The following UTP18 variants were observed in gnomAD, a reference collection of about 807,000 sequenced individuals.
The protein encoded by UTP18 is U3 small nucleolar RNA-associated protein 18 homolog.
In UTP18, 36 loss-of-function variants were observed where a neutral mutation model predicts 61.1. The observed-to-expected ratio is 0.59, with a 90% CI of 0.45 to 0.78. The LOEUF is 0.78. Among genes scored for constraint, UTP18 ranks in the 30% least tolerant of loss-of-function variants. The pLI is 0.00. For synonymous variants in UTP18, 282 were observed against 251.1 expected (o/e 1.12, Z -1.16); for missense variants, 753 against 693.9 (o/e 1.09, Z -0.96).
chr17:51,279,667 A>G (rs955120067), intron 7 of UTP18, among the ~76,000 whole-genome samples: 43 of 152,170 alleles, frequency 2.8e-4, no homozygotes, highest in Admixed American at 1.8e-3. Flanking sequence ...AAAGAAGTAT[A>G]ATTTATCCTT....
At chr17:51,294,218 C>CT (rs1232018959) in intron 12 of UTP18, among the ~76,000 whole-genome samples, 173 bp downstream of exon 12, 5 of 151,886 alleles carry the variant, frequency 3.3e-5, no homozygotes, top group African/African-American at 2.4e-5. Flanking sequence ...TATTATTATA[C>CT]TTTAAGTTTT....
At position 51,288,329 on chromosome 17, in the gene UTP18, A is replaced by T; in HGVS notation, c.1503+126A>T. On this transcript the variant is annotated intron_variant, in intron 11 of 13. Coordinates refer to ENST00000225298, the MANE Select transcript of UTP18 (RefSeq NM_016001.3). ...AGTGGCTTCTTTTGATATAGGAATT[A>T]TTAGTATTGTAGCTTTTGGATGTGG... The T allele has an allele frequency of 4.1e-6, 4 of 985,600 alleles. No homozygotes were observed. In the South Asian group the frequency reaches 7.3e-5, roughly 18 times the overall value. The allele number at this position is 985,600 out of a possible 1,614,324, so 61.1% of individuals were successfully genotyped here.
intron 11 of UTP18, among the ~76,000 whole-genome samples, 178 bp from the exon 12 acceptor site, chr17:51,293,725 A>T (rs1344050530): frequency 6.6e-6 from 1 of 152,182 alleles, no homozygotes; most frequent in African/African-American, 2.4e-5. Context: ...AAATAAAGTA[A>T]TAAAAAAAGA....
In UTP18 at chr17:51,280,090, T is replaced by C. The variant is rs376872213; in HGVS notation, c.1098T>C (p.His366=). Reference sequence around the variant, plus strand: ...TAAATGGCATTGCTGGATATTTGCATTTGCTAGCAATGAAGGTAAAGCATT... The same window carrying C: ...TAAATGGCATTGCTGGATATTTGCACTTGCTAGCAATGAAGGTAAAGCATT... The part of the protein sequence containing the change: ...LLINGIAGYL[H]LLAMKTKELI... The change falls in exon 8 of 14, where the codon CAT becomes CAC. Residue 366 remains histidine, a synonymous_variant. Transcript: ENST00000225298. 6.2e-7 allele frequency: 1 copy of C among 1,613,562 alleles called. No homozygotes were observed. Among genetic ancestry groups the C allele is most frequent in the Non-Finnish European group, 8.5e-7 (1 of 1,179,700 alleles).
chr17:51,261,656 G>A (rs1439125652), intron 1 of UTP18, among the ~76,000 whole-genome samples: 2 of 152,160 alleles, frequency 1.3e-5, no homozygotes, highest in African/African-American at 4.8e-5. Flanking sequence ...AGATAAACGA[G>A]TAAACTTCAG....
chr17:51,278,816 A>G (rs1415811876), intron 7 of UTP18, among the ~76,000 whole-genome samples: 1 of 152,220 alleles, frequency 6.6e-6, no homozygotes, highest in Non-Finnish European at 1.5e-5. Context: ...CTTAATAGGC[A>G]TAGTGGAGTG....
At chr17:51,264,523 A>G (rs893132913) in intron 2 of UTP18, among the ~76,000 whole-genome samples, 18 of 152,102 alleles carry the variant, frequency 1.2e-4, no homozygotes, top group African/African-American at 3.6e-4. Context: ...ACTGCATGCT[A>G]TGGGGCTCTA....
chr17:51,276,793 AT>A (rs1904735845), intron 6 of UTP18, among the ~76,000 whole-genome samples: 1 of 152,216 alleles, frequency 6.6e-6, no homozygotes, highest in Non-Finnish European at 1.5e-5. Flanking sequence ...ACTGACTCTT[AT>A]CTCCTTATCT....
At chr17:51,282,428 T>C (rs1904963725) in intron 9 of UTP18, among the ~76,000 whole-genome samples, 1 of 151,754 alleles carries the variant, frequency 6.6e-6, no homozygotes. Context: ...ATATTTTCTA[T>C]ATTATACTAG....
chr17:51,276,100 ACAT>A (rs1199754922), intron 6 of UTP18, 109 bp downstream of exon 6: 1 of 1,134,830 alleles, frequency 8.8e-7, no homozygotes, highest in Non-Finnish European at 1.2e-6. Flanking sequence ...CATAGCTAAA[ACAT>A]CATAGCCCGA....
rs1016916201 is a variant in UTP18 at position 51,268,881 on chromosome 17, C to G, written c.599C>G (p.Thr200Ser). Residue 200 changes from threonine to serine, a missense_variant, in exon 4 of 14, where the codon ACT (threonine) becomes AGT (serine). Transcript: ENST00000225298. The part of the protein sequence containing the change: ...MGGVPAWAET[T>S]KRKTSSDDES... ...GGAGTACCTGCCTGGGCAGAGACTA[C>G]TAAGCGGAAAACATCTTCAGATGGT... is the stretch of plus-strand genomic sequence containing the variant. The G allele has an allele frequency of 4.3e-6, 7 of 1,613,812 alleles. No homozygotes were observed. In the African/African-American group the frequency reaches 9.3e-5, roughly 22 times the overall value.
chr17:51,268,007 GTTTTTTGTTTTTTTT>G (rs1904358929), intron 3 of UTP18, among the ~76,000 whole-genome samples: 1 of 130,582 alleles, frequency 7.7e-6, no homozygotes, highest in African/African-American at 3.0e-5. Context: ...TTTGTTTTTT[GTTTTTTGTTTTTTTT>G]TTTTTGAGAT....
Position 51,280,508 on chromosome 17 carries a change from G to A in UTP18, c.1204+29G>A, listed in dbSNP as rs762679928. 20 of 1,609,788 alleles carry A rather than the reference G, an allele frequency of 1.2e-5. No individual in the cohort carries two copies. In the Admixed American group the frequency reaches 3.0e-4, roughly 24 times the overall value. ...AGACAACGACATGAAAGAAGCTAAG[G>A]ATATTTTTACATTTTAAATTTTAGG... On this transcript the variant is annotated intron_variant, in intron 9 of 13. Coordinates refer to ENST00000225298, the MANE Select transcript of UTP18 (RefSeq NM_016001.3).
intron 5 of UTP18, among the ~76,000 whole-genome samples, chr17:51,274,622 T>C (rs1264477791): frequency 6.6e-6 from 1 of 151,886 alleles, no homozygotes; most frequent in East Asian, 2.0e-4. Context: ...TTTTTTGTTT[T>C]TGTTTTTTTG....
In UTP18 at chr17:51,297,764, C is replaced by A; in HGVS notation, c.*15-18C>A. ...CAGCTATAAATCAGGTATGTAATTT[C>A]TTTTGTTCTTTCCTCAGGTCCAGTT... On this transcript the variant is annotated intron_variant, in intron 13 of 13. Transcript: ENST00000225298. 2.3e-6 allele frequency: 1 copy of A among 433,412 alleles called. No homozygotes were observed. The highest frequency in any genetic ancestry group is 4.6e-6 in the Non-Finnish European group (1 of 219,222). 26.8% of individuals were successfully genotyped at this position (433,412 alleles called of 1,614,324 possible).
intron 1 of UTP18, among the ~76,000 whole-genome samples, chr17:51,262,060 C>T (rs942275878): frequency 4.0e-5 from 6 of 151,766 alleles, no homozygotes; most frequent in Non-Finnish European, 5.9e-5. Context: ...CTCAAACTCA[C>T]TTCAAGGGAT....
At chr17:51,287,905 A>G in intron 10 of UTP18, 124 bp from the exon 11 acceptor site, 1 of 674,754 alleles carries the variant, frequency 1.5e-6, no homozygotes, top group Non-Finnish European at 2.2e-6. Flanking sequence ...TAGTGGTGAT[A>G]GCTGGTCTCT....
chr17:51,275,359 A>G (rs1421129457), intron 5 of UTP18, among the ~76,000 whole-genome samples: 1 of 152,232 alleles, frequency 6.6e-6, no homozygotes, highest in Non-Finnish European at 1.5e-5. Context: ...TGAGATTACC[A>G]TTACTTTAAA....
rs144856744 is a variant in UTP18, at chr17:51,291,270, G to A, written c.1504-2633G>A. Among the ~76,000 whole-genome samples the A allele has an allele frequency of 1.7e-3, 259 of 152,302 alleles. 2 individuals carry two copies. The highest frequency in any genetic ancestry group is 6.4e-3 in the East Asian group (33 of 5,186). On this transcript the variant is annotated intron_variant, in intron 11 of 13. Transcript: ENST00000225298. ...TTTAAAATGGGGGCTATAAATAGAT[G>A]TCAGAGCACAGCATAGTTTTAATCA... is the stretch of plus-strand genomic sequence containing the variant.
Sources: allele counts gnomAD v4.1 joint callset (sites outside exome capture counted in the v4.1 genomes callset), GRCh38; gene constraint gnomAD v4.1.1; transcripts MANE v1.5; gene names NCBI Gene and HGNC (gene_info 2026-07-23, HGNC 2026-07-21).